Variants in COQ10B observed in about 807,000 individuals in gnomAD.
COQ10B encodes coenzyme Q10B.
In COQ10B, 12 loss-of-function variants were observed where a neutral mutation model predicts 27.6. The observed-to-expected ratio is 0.43, with a 90% CI of 0.28 to 0.70. COQ10B has a LOEUF of 0.70. COQ10B is among the 30% of genes least tolerant of loss of function. The probability of loss-of-function intolerance (pLI) is 0.17; values close to 1 mark genes in which losing one functional copy is unlikely to be tolerated. For missense variants in COQ10B, 278 were observed against 288.7 expected, an observed-to-expected ratio of 0.96 and a Z score of 0.27; for synonymous variants, 115 against 103.0, an observed-to-expected ratio of 1.12 and a Z score of -0.71.
chr2:197,453,958 C>T (rs1273481236), intron 1 of COQ10B: 1 of 1,550,734 alleles, frequency 6.4e-7, no homozygotes, highest in Non-Finnish European at 8.7e-7. Flanking sequence ...CCGGTCTCCT[C>T]CCCTATGGCT....
rs1163816990 is a variant in COQ10B, at chr2:197,464,002, C to T, written c.447+1271C>T. 2.8e-3 allele frequency among the ~76,000 whole-genome samples: 279 copies of T among 100,400 alleles called. 1 individual carries two copies. Among genetic ancestry groups the T allele is most frequent in the Middle Eastern group, 4.7e-3 (1 of 212 alleles). The allele number at this position is 100,400 out of a possible 152,430, so 65.9% of individuals were successfully genotyped here. A position where few individuals can be genotyped will look rare whatever the true frequency, so the allele number is the denominator to read the frequency against. The stretch of plus-strand genomic sequence containing the variant: ...ATATATATATATATATATATACACA[C>T]ACACACACACACACACACACACACA... On this transcript the variant is annotated intron_variant, in intron 3 of 4. Transcript: ENST00000263960.
At chr2:197,469,914 G>C (rs1301943885) in intron 3 of COQ10B, among the ~76,000 whole-genome samples, 156 bp from the exon 4 acceptor site, 12 of 151,556 alleles carry the variant, frequency 7.9e-5, no homozygotes, top group Admixed American at 6.6e-4. Context: ...TTACTTCCTA[G>C]TACCAAGCTA....
At chr2:197,466,810 C>CT (rs1019613559) in intron 3 of COQ10B, among the ~76,000 whole-genome samples, 87 of 146,680 alleles carry the variant, frequency 5.9e-4, no homozygotes, top group Admixed American at 1.9e-3. Context: ...ACTATTTTTT[C>CT]TTTTTTTTTT....
intron 4 of COQ10B, among the ~76,000 whole-genome samples, chr2:197,472,485 T>C (rs1264319373): frequency 6.6e-6 from 1 of 152,086 alleles, no homozygotes; most frequent in Admixed American, 6.6e-5. Flanking sequence ...TGGACAAGCT[T>C]GTCCACATCA....
At chr2:197,455,506 C>T (rs2085688359) in intron 1 of COQ10B, among the ~76,000 whole-genome samples, 1 of 151,862 alleles carries the variant, frequency 6.6e-6, no homozygotes, top group South Asian at 2.1e-4. Flanking sequence ...TACACATATA[C>T]AGAAAAATTA....
At position 197,475,072 on chromosome 2, in the gene COQ10B, A is replaced by G. The variant is rs2085936156; in HGVS notation, c.*1148A>G. On this transcript the variant is annotated 3_prime_UTR_variant, in exon 5 of 5. Coordinates refer to ENST00000263960, the MANE Select transcript of COQ10B (RefSeq NM_025147.5). Reference sequence around the variant, plus strand: ...CTGGTATTTTTTAAAAAACAAATCAATGTAAGGACTGAAGTTGAAGTAGCA... The same window carrying G: ...CTGGTATTTTTTAAAAAACAAATCAGTGTAAGGACTGAAGTTGAAGTAGCA... 1 of 152,326 alleles carries G rather than the reference A, an allele frequency of 6.6e-6. No homozygotes were observed. Among genetic ancestry groups the G allele is most frequent in the Non-Finnish European group, 1.5e-5 (1 of 68,034 alleles). 9.4% of individuals were successfully genotyped at this position (152,326 alleles called of 1,614,324 possible).
At chr2:197,454,440 C>T (rs1227354060) in intron 1 of COQ10B, among the ~76,000 whole-genome samples, 1 of 151,842 alleles carries the variant, frequency 6.6e-6, no homozygotes, top group Non-Finnish European at 1.5e-5. Flanking sequence ...AGCCCCAGGA[C>T]ATTTAGATTA....
At chr2:197,468,030 G>C (rs942352115) in intron 3 of COQ10B, among the ~76,000 whole-genome samples, 3 of 152,168 alleles carry the variant, frequency 2.0e-5, no homozygotes, top group Non-Finnish European at 4.4e-5. Flanking sequence ...CAGTATCTCT[G>C]CTCTTAGAAA....
At chr2:197,470,351 T>C (rs1230425329) in intron 4 of COQ10B, among the ~76,000 whole-genome samples, 180 bp downstream of exon 4, 1 of 152,272 alleles carries the variant, frequency 6.6e-6, no homozygotes, top group East Asian at 1.9e-4. Context: ...TTCTGTTTTT[T>C]ACAAATCTGT....
At chr2:197,469,056 A>G (rs939535080) in intron 3 of COQ10B, among the ~76,000 whole-genome samples, 14 of 152,030 alleles carry the variant, frequency 9.2e-5, no homozygotes, top group Non-Finnish European at 1.9e-4. Flanking sequence ...ATTTTTTCAG[A>G]CAGTGTCTGG....
At chr2:197,471,962 A>G (rs962959242) in intron 4 of COQ10B, among the ~76,000 whole-genome samples, 5 of 151,608 alleles carry the variant, frequency 3.3e-5, no homozygotes, top group African/African-American at 1.2e-4. Flanking sequence ...AAAAAGGACA[A>G]TTGGGAAAAT....
intron 1 of COQ10B, among the ~76,000 whole-genome samples, chr2:197,458,682 C>CTTTTTTT (rs138890869): frequency 1.4e-5 from 2 of 139,906 alleles, no homozygotes; most frequent in Admixed American, 7.2e-5. Context: ...TTTCTTTTCT[C>CTTTTTTT]TTTTTTTTTT....
intron 1 of COQ10B, chr2:197,454,361 G>C (rs1374785612): frequency 5.3e-6 from 2 of 373,912 alleles, no homozygotes; most frequent in African/African-American, 2.1e-5. Flanking sequence ...GAAAATTAAA[G>C]TTAGTGTGTT....
chr2:197,469,332 A>C (rs1425793948), intron 3 of COQ10B, among the ~76,000 whole-genome samples: 1 of 152,282 alleles, frequency 6.6e-6, no homozygotes, highest in Non-Finnish European at 1.5e-5. Context: ...GGCCTCCCAA[A>C]GTGATGGGAT....
Position 197,470,083 on chromosome 2 carries a change from A to T in COQ10B, c.461A>T (p.Asp154Val). ...ATTTTGTTGTAGGCATCTTGTACTG[A>T]TGGGAGACTTTTCAATCATTTGGAG... ...KPHLVKASCT[D>V]GRLFNHLETI... The change falls in exon 4 of 5, where the codon GAT becomes GTT. Residue 154 changes from aspartate (D) to valine (V), a missense_variant. Physicochemically the swap from Asp to Val is radical, Grantham distance 152. Around this residue, in one of 3 missense-constraint regions of COQ10B, gnomAD observed 83 missense variants for 104.5 expected, o/e 0.79. Transcript: ENST00000263960. 6.2e-7 allele frequency: 1 copy of T among 1,611,208 alleles called. No homozygotes were observed. The highest frequency in any genetic ancestry group is 8.5e-7 in the Non-Finnish European group (1 of 1,177,620).
rs748686379 is a variant in COQ10B, at chr2:197,453,650, C to T, written c.90C>T (p.Pro30=). The part of the protein sequence containing the change: ...KSATAAGAQA[P]VRNGRYLASC... The stretch of plus-strand genomic sequence containing the variant: ...CGACAGCGGCCGGGGCGCAGGCGCC[C>T]GTGCGGAATGGCAGGTAATCAACAG... The change falls in exon 1 of 5, where the codon CCC becomes CCT. Residue 30 remains proline, a synonymous_variant. Transcript: ENST00000263960. 2.5e-6 allele frequency: 4 copies of T among 1,613,600 alleles called. No homozygotes were observed. The highest frequency in any genetic ancestry group is 3.4e-6 in the Non-Finnish European group (4 of 1,179,834).
chr2:197,470,716 G>A lies in COQ10B; in HGVS notation c.549+545G>A, dbSNP rs140592799. Among the ~76,000 whole-genome samples, 821 of 152,240 alleles carry A rather than the reference G, an allele frequency of 5.4e-3. 6 individuals are homozygous for A. Among genetic ancestry groups the A allele is most frequent in the African/African-American group, 0.018 (752 of 41,526 alleles). ...TCGAGACCAGCCTGACCAATATCAT[G>A]AAACCCCGTCTCTAGTAAAAATACA... On this transcript the variant is annotated intron_variant, in intron 4 of 4. Transcript: ENST00000263960.
At chr2:197,463,996 TACACACACAC>T (rs1241115366) in intron 3 of COQ10B, among the ~76,000 whole-genome samples, 1 of 32,850 alleles carries the variant, frequency 3.0e-5, no homozygotes, top group Non-Finnish European at 5.0e-5. Context: ...TATATATATA[TACACACACAC>T]ACACACACAC....
chr2:197,460,515 T>C (rs2085745337), intron 2 of COQ10B, among the ~76,000 whole-genome samples: 1 of 152,194 alleles, frequency 6.6e-6, no homozygotes, highest in African/African-American at 2.4e-5. Flanking sequence ...TTATAAATAT[T>C]TGTTGAATGA....
Sources: gnomAD v4.1 joint callset for allele counts (sites outside exome capture counted in the v4.1 genomes callset) on GRCh38, gnomAD v4.1.1 for gene constraint, gnomAD v4.1.1 regional missense constraint, MANE v1.5 for transcripts, NCBI Gene and HGNC (gene_info 2026-07-23, HGNC 2026-07-21) for gene names.